UBE3D: variants seen among roughly 807,000 people sequenced by gnomAD.
The protein encoded by UBE3D is E3 ubiquitin-protein ligase E3D.
In UBE3D, 48 loss-of-function variants were observed where a neutral mutation model predicts 49.6. The ratio of observed to expected loss-of-function variants is 0.97; its 90% CI spans 0.77 to 1.23. UBE3D has a LOEUF of 1.23. UBE3D is among the 50% of genes most tolerant of loss of function. The probability of loss-of-function intolerance (pLI) is 0.00; values close to 1 mark genes in which losing one functional copy is unlikely to be tolerated. For synonymous variants in UBE3D, 189 were observed against 174.2 expected (o/e 1.08, Z -0.67); for missense variants, 452 against 468.4 (o/e 0.96, Z 0.32).
intron 9 of UBE3D, among the ~76,000 whole-genome samples, chr6:82,950,223 C>T (rs774657494): frequency 1.3e-5 from 2 of 152,060 alleles, no homozygotes; most frequent in Non-Finnish European, 2.9e-5. Context: ...AGATATTTCT[C>T]AAAAGAATAT....
chr6:83,009,081 C>A (rs1325905409), intron 8 of UBE3D, among the ~76,000 whole-genome samples: 1 of 152,088 alleles, frequency 6.6e-6, no homozygotes, highest in Non-Finnish European at 1.5e-5. Context: ...AGTAATAAGG[C>A]AGGTGCATCA....
chr6:82,971,925 G>C (rs1777380661), intron 8 of UBE3D, among the ~76,000 whole-genome samples: 1 of 152,190 alleles, frequency 6.6e-6, no homozygotes, highest in Admixed American at 6.5e-5. Flanking sequence ...CTTTGATGAT[G>C]TCCTAGACCT....
intron 9 of UBE3D, among the ~76,000 whole-genome samples, chr6:82,918,635 G>A (rs373302213): frequency 6.6e-5 from 10 of 151,922 alleles, no homozygotes; most frequent in South Asian, 2.1e-4. Flanking sequence ...ATTTGAAACC[G>A]GCCCAAATGT....
intron 8 of UBE3D, among the ~76,000 whole-genome samples, chr6:82,967,083 T>C (rs1260728998): frequency 6.6e-6 from 1 of 152,220 alleles, no homozygotes; most frequent in African/African-American, 2.4e-5. Context: ...ATTTACTCTG[T>C]CGAGCTGGCA....
At chr6:83,057,700 G>C (rs1186212815) in intron 2 of UBE3D, 126 bp downstream of exon 2, 2 of 865,932 alleles carry the variant, frequency 2.3e-6, no homozygotes, top group African/African-American at 3.4e-5. Context: ...AACTGGCAGA[G>C]CTGACAAAGA....
chr6:83,054,254 GA>G lies in UBE3D; in HGVS notation c.275-17del. On this transcript the variant is annotated splice_polypyrimidine_tract_variant and intron_variant, in intron 2 of 9. Coordinates refer to ENST00000369747, the MANE Select transcript of UBE3D (RefSeq NM_198920.3). ...GAAATCAGTTCTAAAGGAAGTCAAT[GA>G]AATAGCTAATCTTAGAGATTGAAAC... is the stretch of plus-strand genomic sequence containing the variant. The G allele has an allele frequency of 6.3e-7, 1 of 1,589,088 alleles. No homozygotes were observed. The highest frequency in any genetic ancestry group is 1.1e-5 in the South Asian group (1 of 90,494).
chr6:83,023,540 A>T (rs890998018), intron 6 of UBE3D, among the ~76,000 whole-genome samples: 3 of 152,238 alleles, frequency 2.0e-5, no homozygotes, highest in Non-Finnish European at 2.9e-5. Flanking sequence ...ATGCCATGGA[A>T]TACTACTTAG....
rs1439299203 is a variant in UBE3D, at chr6:82,924,712, T to C, written c.1150-31670A>G. The C allele has an allele frequency of 2.0e-5, 3 of 152,214 alleles. No homozygotes were observed. The East Asian group carries it at 5.8e-4, about 29-fold the overall frequency. 9.4% of individuals were successfully genotyped at this position (152,214 alleles called of 1,614,324 possible). On this transcript the variant is annotated intron_variant, in intron 9 of 9. Transcript: ENST00000369747. ...TTCTGCATTTTTAAATAACATCATTTGTTTCCTTTAAAATTTTTTCATCCA... is the reference window on the plus strand; with the variant it reads ...TTCTGCATTTTTAAATAACATCATTCGTTTCCTTTAAAATTTTTTCATCCA...
intron 5 of UBE3D, among the ~76,000 whole-genome samples, chr6:83,026,417 GAGAC>G (rs1781463742): frequency 6.6e-6 from 1 of 152,092 alleles, no homozygotes; most frequent in African/African-American, 2.4e-5. Context: ...TCCAGCCTGA[GAGAC>G]AGAGTAAGAT....
chr6:83,034,488 G>A (rs1055384736), intron 5 of UBE3D, among the ~76,000 whole-genome samples: 3 of 151,968 alleles, frequency 2.0e-5, no homozygotes, highest in African/African-American at 7.3e-5. Context: ...TTGGCTCTGT[G>A]TCCCCACCCA....
At chr6:82,884,717 G>A in the UBE3D span, among the ~76,000 whole-genome samples, 1 of 152,122 alleles carries the variant, frequency 6.6e-6, no homozygotes, top group South Asian at 2.1e-4. Flanking sequence ...GTGGAACACT[G>A]AGATTTTACA....
At chr6:83,031,446 C>T (rs1449309001) in intron 5 of UBE3D, among the ~76,000 whole-genome samples, 1 of 152,192 alleles carries the variant, frequency 6.6e-6, no homozygotes, top group Admixed American at 6.5e-5. Flanking sequence ...TTGCATCTTG[C>T]ATCAGCGTGA....
At chr6:83,014,000 G>A (rs918988878) in intron 8 of UBE3D, among the ~76,000 whole-genome samples, 2 of 152,204 alleles carry the variant, frequency 1.3e-5, no homozygotes, top group Non-Finnish European at 2.9e-5. Flanking sequence ...CCAGCTGAAG[G>A]CAAATTGCTT....
At chr6:83,025,424 C>T (rs1781381790) in intron 5 of UBE3D, among the ~76,000 whole-genome samples, 1 of 100,344 alleles carries the variant, frequency 1.0e-5, no homozygotes, top group South Asian at 4.3e-4. Flanking sequence ...AGAAAATGTA[C>T]ATCAAAATAA....
At chr6:82,934,675 A>T (rs1264317016) in intron 9 of UBE3D, among the ~76,000 whole-genome samples, 1 of 151,970 alleles carries the variant, frequency 6.6e-6, no homozygotes, top group African/African-American at 2.4e-5. Context: ...AAAATTAACA[A>T]GTAGAAGAAT....
intron 8 of UBE3D, among the ~76,000 whole-genome samples, chr6:82,986,210 T>C (rs1221659268): frequency 1.3e-5 from 2 of 152,092 alleles, no homozygotes; most frequent in Non-Finnish European, 2.9e-5. Context: ...TGGTGGCTCA[T>C]GCCTGTAATC....
At chr6:83,008,765 T>C (rs557850481) in intron 8 of UBE3D, among the ~76,000 whole-genome samples, 5 of 152,216 alleles carry the variant, frequency 3.3e-5, no homozygotes, top group Non-Finnish European at 7.3e-5. Flanking sequence ...GTCTACAGCT[T>C]GTTCAGTCAC....
intron 9 of UBE3D, among the ~76,000 whole-genome samples, chr6:82,898,956 C>A (rs1200270145): frequency 6.6e-6 from 1 of 152,052 alleles, no homozygotes; most frequent in Non-Finnish European, 1.5e-5. Context: ...GGAATTTCCG[C>A]CTCCTGCTAA....
chr6:82,932,319 C>A (rs1482292373), intron 9 of UBE3D, among the ~76,000 whole-genome samples: 1 of 152,060 alleles, frequency 6.6e-6, no homozygotes, highest in Non-Finnish European at 1.5e-5. Flanking sequence ...TAAATGATAC[C>A]TATCCTTTTT....
Sources: allele counts gnomAD v4.1 joint callset (sites outside exome capture counted in the v4.1 genomes callset), GRCh38; gene constraint gnomAD v4.1.1; transcripts MANE v1.5; gene names NCBI Gene and HGNC (gene_info 2026-07-23, HGNC 2026-07-21).